Variants in SORCS2 observed in about 807,000 individuals in gnomAD.
SORCS2 encodes the protein VPS10 domain-containing receptor SorCS2.
In SORCS2, 100 loss-of-function variants were observed where a neutral mutation model predicts 141.6. That is an observed-to-expected ratio of 0.71 (90% CI 0.60 to 0.83). The LOEUF (loss-of-function observed/expected upper bound fraction) is 0.83. Ranked by LOEUF, SORCS2 falls within the 40% of genes least tolerant of loss-of-function variation. The pLI, the probability that SORCS2 is intolerant of heterozygous loss-of-function variation, is 0.00. For missense variants in SORCS2, 1,646 were observed against 1,560.2 expected (o/e 1.05, Z -0.93); for synonymous variants, 789 against 676.9 (o/e 1.17, Z -2.57).
chr4:7,485,490 C>T (rs1730923024), intron 2 of SORCS2, among the ~76,000 whole-genome samples: 1 of 152,272 alleles, frequency 6.6e-6, no homozygotes, highest in Non-Finnish European at 1.5e-5. Flanking sequence ...CCTGCCGGGC[C>T]TCATGTCTGC....
At chr4:7,221,832 T>G (rs534232935) in intron 1 of SORCS2, among the ~76,000 whole-genome samples, 1 of 152,164 alleles carries the variant, frequency 6.6e-6, no homozygotes, top group East Asian at 1.9e-4. Flanking sequence ...TAAGCATATA[T>G]TTAAGGAGTA....
chr4:7,629,423 G>A (rs1419188758), intron 3 of SORCS2, among the ~76,000 whole-genome samples: 1 of 152,130 alleles, frequency 6.6e-6, no homozygotes, highest in Admixed American at 6.5e-5. Flanking sequence ...ACAAGTCAGA[G>A]AGGCTGTGGC....
chr4:7,260,630 T>C (rs1379343212), intron 1 of SORCS2, among the ~76,000 whole-genome samples: 8 of 152,172 alleles, frequency 5.3e-5, no homozygotes, highest in Non-Finnish European at 4.4e-5. Context: ...GTAAACCAGG[T>C]AGGAAAGCTC....
chr4:7,226,359 C>T (rs996669031), intron 1 of SORCS2, among the ~76,000 whole-genome samples: 2 of 152,222 alleles, frequency 1.3e-5, no homozygotes, highest in Non-Finnish European at 2.9e-5. Flanking sequence ...CCTGGCCTTG[C>T]TGGACCTCTG....
chr4:7,262,363 C>T (rs1226545638), intron 1 of SORCS2, among the ~76,000 whole-genome samples: 2 of 146,402 alleles, frequency 1.4e-5, no homozygotes, highest in Admixed American at 7.0e-5. Flanking sequence ...TCCATCCACC[C>T]ACCTATCCAT....
intron 2 of SORCS2, among the ~76,000 whole-genome samples, chr4:7,397,448 T>G (rs1208326731): frequency 2.6e-5 from 4 of 151,836 alleles, no homozygotes; most frequent in Non-Finnish European, 5.9e-5. Flanking sequence ...AAAACGCTTT[T>G]CCTAGAAGCT....
intron 1 of SORCS2, among the ~76,000 whole-genome samples, chr4:7,327,558 C>T (rs1045834003): frequency 2.0e-5 from 3 of 152,248 alleles, no homozygotes; most frequent in Admixed American, 2.0e-4. Context: ...ACCAGAGTCC[C>T]TGCTGGTCTC....
At position 7,733,357 on chromosome 4, in the gene SORCS2, G is replaced by A. The variant is rs1395964156; in HGVS notation, c.3144G>A (p.Gln1048=). 1.3e-6 allele frequency: 2 copies of A among 1,578,804 alleles called. No homozygotes were observed. The highest frequency in any genetic ancestry group is 2.3e-5 in the East Asian group (1 of 42,914). The change falls in exon 24 of 27, where the codon CAG becomes CAA. Residue 1048 remains glutamine, a synonymous_variant. Coordinates refer to ENST00000507866, the MANE Select transcript of SORCS2 (RefSeq NM_020777.3). ...LAAIQQVLNA[Q]KISFLLRGGV... The stretch of plus-strand genomic sequence containing the variant: ...CCATCCAGCAGGTGCTGAACGCACA[G>A]AAGATCAGCTTCCTCCTGCGAGGCG...
At chr4:7,230,131 C>A (rs879208507) in intron 1 of SORCS2, among the ~76,000 whole-genome samples, 9 of 141,738 alleles carry the variant, frequency 6.3e-5, no homozygotes, top group South Asian at 4.9e-4. Context: ...AGTGTCTGGG[C>A]AGGAGTAGTG....
At position 7,740,440 on chromosome 4, in the gene SORCS2, G is replaced by T; in HGVS notation, c.*176G>T. ...TCCAAGCCCGCCCAGGCCCACGGGGGGCCCACGGGACCCCCCGGGACTCCC... is the reference window on the plus strand; with the variant it reads ...TCCAAGCCCGCCCAGGCCCACGGGGTGCCCACGGGACCCCCCGGGACTCCC... On this transcript the variant is annotated 3_prime_UTR_variant, in exon 27 of 27. Transcript: ENST00000507866. 1.6e-6 allele frequency: 1 copy of T among 618,074 alleles called. No homozygotes were observed. Among genetic ancestry groups the T allele is most frequent in the African/African-American group, 1.8e-5 (1 of 54,310 alleles). 38.3% of individuals were successfully genotyped at this position (618,074 alleles called of 1,614,324 possible).
chr4:7,311,550 C>T (rs551324015), intron 1 of SORCS2, among the ~76,000 whole-genome samples: 3 of 152,314 alleles, frequency 2.0e-5, no homozygotes, highest in South Asian at 2.1e-4. Flanking sequence ...TCTGTGTCCT[C>T]GTGAAGACTT....
intron 2 of SORCS2, among the ~76,000 whole-genome samples, chr4:7,422,123 C>T (rs1056476792): frequency 6.6e-6 from 1 of 152,178 alleles, no homozygotes; most frequent in African/African-American, 2.4e-5. Context: ...ACGGGTTAAT[C>T]GTCACCCACC....
At chr4:7,539,329 T>C (rs1422849365) in intron 3 of SORCS2, among the ~76,000 whole-genome samples, 1 of 152,298 alleles carries the variant, frequency 6.6e-6, no homozygotes, top group East Asian at 1.9e-4. Context: ...GGGGTGGTGG[T>C]ACCACCTGCT....
intron 2 of SORCS2, among the ~76,000 whole-genome samples, chr4:7,468,661 A>G (rs1274195973): frequency 1.3e-5 from 2 of 152,216 alleles, no homozygotes; most frequent in Non-Finnish European, 2.9e-5. Context: ...ACCCAGCTTC[A>G]TCTTGATCAC....
intron 3 of SORCS2, among the ~76,000 whole-genome samples, chr4:7,543,446 TCCATCCATCC>T (rs1712859835): frequency 8.4e-6 from 1 of 119,032 alleles, no homozygotes; most frequent in African/African-American, 3.4e-5. Context: ...CATCCACTCA[TCCATCCATCC>T]ATCCATCCAC....
intron 2 of SORCS2, among the ~76,000 whole-genome samples, chr4:7,521,363 A>G (rs1463702914): frequency 2.6e-5 from 4 of 151,946 alleles, no homozygotes; most frequent in East Asian, 3.9e-4. Context: ...ACCGGGCTGC[A>G]CTTCCTTCCC....
chr4:7,416,126 T>C (rs1472796059), intron 2 of SORCS2, among the ~76,000 whole-genome samples: 3 of 152,140 alleles, frequency 2.0e-5, no homozygotes, highest in Non-Finnish European at 4.4e-5. Context: ...GGAGGCCTCA[T>C]GTGCCGGCCG....
At chr4:7,206,696 C>T (rs1407454215) in intron 1 of SORCS2, among the ~76,000 whole-genome samples, 2 of 152,166 alleles carry the variant, frequency 1.3e-5, no homozygotes, top group Non-Finnish European at 2.9e-5. Flanking sequence ...CCTGGTGACA[C>T]CCACGCCTCC....
At chr4:7,420,905 C>T (rs933314659) in intron 2 of SORCS2, among the ~76,000 whole-genome samples, 19 of 152,186 alleles carry the variant, frequency 1.2e-4, no homozygotes, top group African/African-American at 3.9e-4. Flanking sequence ...TCGCTTGCCT[C>T]CTCTGCCCGC....
Sources: allele counts gnomAD v4.1 joint callset (sites outside exome capture counted in the v4.1 genomes callset), GRCh38; gene constraint gnomAD v4.1.1; transcripts MANE v1.5; gene names NCBI Gene and HGNC (gene_info 2026-07-23, HGNC 2026-07-21).